DOCK7: variants seen among roughly 807,000 people sequenced by gnomAD.
The protein encoded by DOCK7 is dedicator of cytokinesis protein 7.
In DOCK7, 138 loss-of-function variants were observed where a neutral mutation model predicts 271.0. The observed-to-expected ratio is 0.51, with a 90% confidence interval of 0.44 to 0.59. DOCK7 has a LOEUF of 0.59. Ranked by LOEUF, DOCK7 falls within the 20% of genes least tolerant of loss-of-function variation. The pLI is 0.00. For synonymous variants in DOCK7, 823 were observed against 876.1 expected (o/e 0.94, Z 1.07); for missense variants, 2,066 against 2,592.4 (o/e 0.80, Z 4.41).
chr1:62,544,981 C>A lies in DOCK7; in HGVS notation c.2825G>T (p.Gly942Val). The stretch of plus-strand genomic sequence containing the variant: ...TTCTGCACTTGGACTGGGGTTGGAT[C>A]CCCATGGGGCAGCTTTTGGACCACC... ...NTGGPKAAPWGSNPSPSAEST... is the reference protein window; with the variant it reads ...NTGGPKAAPWVSNPSPSAEST... Residue 942 changes from glycine to valine, a missense_variant, in exon 23 of 50, where the codon GGA (glycine) becomes GTA (valine). Physicochemically the swap from Gly to Val is moderately radical, Grantham distance 109. Coordinates refer to ENST00000635253, the MANE Select transcript of DOCK7 (RefSeq NM_001367561.1). 1 of 1,549,810 alleles carries A rather than the reference C, an allele frequency of 6.5e-7. No homozygotes were observed. Among genetic ancestry groups the A allele is most frequent in the Non-Finnish European group, 8.7e-7 (1 of 1,146,486 alleles).
intron 14 of DOCK7, among the ~76,000 whole-genome samples, chr1:62,596,910 G>A (rs1649340375): frequency 6.6e-6 from 1 of 151,988 alleles, no homozygotes; most frequent in Non-Finnish European, 1.5e-5. Context: ...CTATATATGG[G>A]ATTTTGTGAC....
At chr1:62,585,551 G>C (rs1351840669) in intron 15 of DOCK7, among the ~76,000 whole-genome samples, 1 of 152,102 alleles carries the variant, frequency 6.6e-6, no homozygotes, top group Non-Finnish European at 1.5e-5. Flanking sequence ...AGAATCTCTA[G>C]TCTGGTCTCA....
At chr1:62,553,312 T>TTATACATATATA (rs1553168302) in intron 21 of DOCK7, among the ~76,000 whole-genome samples, 7 of 20,582 alleles carry the variant, frequency 3.4e-4, no homozygotes, top group African/African-American at 1.4e-3. Flanking sequence ...AAAAAGTATT[T>TTATACATATATA]TATATATATA....
chr1:62,659,342 T>C (rs1256139598), intron 2 of DOCK7, among the ~76,000 whole-genome samples: 1 of 152,118 alleles, frequency 6.6e-6, no homozygotes, highest in Non-Finnish European at 1.5e-5. Flanking sequence ...ACACCAATAC[T>C]GTGATAAGTC....
At chr1:62,668,265 A>G (rs971697972) in intron 1 of DOCK7, among the ~76,000 whole-genome samples, 1 of 152,192 alleles carries the variant, frequency 6.6e-6, no homozygotes, top group African/African-American at 2.4e-5. Flanking sequence ...TTACGGGTCA[A>G]TGTGGTGGAT....
chr1:62,685,089 A>G (rs1366408031), intron 1 of DOCK7, among the ~76,000 whole-genome samples: 2 of 152,254 alleles, frequency 1.3e-5, no homozygotes, highest in East Asian at 3.8e-4. Context: ...ACCACATTAT[A>G]AATACTGTAG....
chr1:62,461,444 G>A (rs1571174464), intron 48 of DOCK7, among the ~76,000 whole-genome samples: 1 of 152,128 alleles, frequency 6.6e-6, no homozygotes, highest in Non-Finnish European at 1.5e-5. Context: ...ACTTTGGCAG[G>A]CTGAGACCAG....
At chr1:62,610,397 T>C (rs116380404) in intron 14 of DOCK7, among the ~76,000 whole-genome samples, 176 of 152,248 alleles carry the variant, frequency 1.2e-3, no homozygotes, top group African/African-American at 3.9e-3. Flanking sequence ...ATTATGAATG[T>C]AGTAAACCAA....
At chr1:62,652,935 A>G (rs1571909619) in intron 4 of DOCK7, among the ~76,000 whole-genome samples, 1 of 152,146 alleles carries the variant, frequency 6.6e-6, no homozygotes, top group South Asian at 2.1e-4. Context: ...ATTTAGCACA[A>G]TGTAAAGCCT....
In DOCK7 at chr1:62,473,965, C is replaced by T; in HGVS notation, c.6212+17G>A. On this transcript the variant is annotated intron_variant, in intron 48 of 49. Transcript: ENST00000635253. ...CAGTCTCAATTTGAAGATCTTTACG[C>T]AGAAAGCCTTGAATACCTTTTAGTA... 6.3e-7 allele frequency: 1 copy of T among 1,598,736 alleles called. No individual in the cohort carries two copies. The highest frequency in any genetic ancestry group is 8.6e-7 in the Non-Finnish European group (1 of 1,167,012).
chr1:62,473,924 A>G (rs1476205523), intron 48 of DOCK7, 58 bp downstream of exon 48: 3 of 1,420,598 alleles, frequency 2.1e-6, no homozygotes, highest in Admixed American at 3.5e-5. Flanking sequence ...CCCTTATGTC[A>G]TACTGTGGTA....
At position 62,648,324 on chromosome 1, in the gene DOCK7, A is replaced by G; in HGVS notation, c.520-6T>C. On this transcript the variant is annotated splice_polypyrimidine_tract_variant and splice_region_variant and intron_variant, in intron 5 of 49. Coordinates refer to ENST00000635253, the MANE Select transcript of DOCK7 (RefSeq NM_001367561.1). Reference sequence around the variant, plus strand: ...GAACGTCTTTTAAGGTCATCCTGTCATGCAAAACATTAAATATAAATATAT... The same window carrying G: ...GAACGTCTTTTAAGGTCATCCTGTCGTGCAAAACATTAAATATAAATATAT... 1.3e-6 allele frequency: 2 copies of G among 1,565,326 alleles called. No homozygotes were observed. The highest frequency in any genetic ancestry group is 1.7e-6 in the Non-Finnish European group (2 of 1,154,928).
intron 31 of DOCK7, 113 bp from the exon 32 acceptor site, chr1:62,514,011 T>A: frequency 1.1e-6 from 1 of 939,370 alleles, no homozygotes; most frequent in East Asian, 2.6e-5. Context: ...TTAAAAATAA[T>A]ATAATTAAAA....
chr1:62,512,404 C>G (rs1471864933), intron 33 of DOCK7, among the ~76,000 whole-genome samples: 1 of 152,076 alleles, frequency 6.6e-6, no homozygotes, highest in Non-Finnish European at 1.5e-5. Flanking sequence ...ACACTATCTT[C>G]TAAATTCTGA....
intron 12 of DOCK7, among the ~76,000 whole-genome samples, chr1:62,622,012 G>C (rs991937198): frequency 6.6e-6 from 1 of 152,118 alleles, no homozygotes; most frequent in Admixed American, 6.6e-5. Flanking sequence ...TCCCTCCCTA[G>C]GCCTGGCCAC....
At position 62,562,714 on chromosome 1, in the gene DOCK7, C is replaced by T. The variant is rs186613828; in HGVS notation, c.2113-1011G>A. ...GCTAGAGATCTCAGGATGCAAGAAA[C>T]GACAAAGCAGCATTTCCTGGGTTTT... On this transcript the variant is annotated intron_variant, in intron 18 of 49. Transcript: ENST00000635253. Among the ~76,000 whole-genome samples the T allele has an allele frequency of 3.0e-3, 453 of 152,118 alleles. 4 individuals carry two copies. The highest frequency in any genetic ancestry group is 0.022 in the South Asian group (107 of 4,818).
chr1:62,462,117 G>T (rs1030113296), intron 48 of DOCK7, among the ~76,000 whole-genome samples: 1 of 150,464 alleles, frequency 6.6e-6, no homozygotes, highest in Non-Finnish European at 1.5e-5. Context: ...ATATACTAAA[G>T]AATAAATTTT....
chr1:62,573,642 A>G (rs1287526397), intron 18 of DOCK7, among the ~76,000 whole-genome samples: 1 of 152,234 alleles, frequency 6.6e-6, no homozygotes, highest in Non-Finnish European at 1.5e-5. Context: ...TGGCATACAA[A>G]TACTTCATTT....
chr1:62,639,408 T>C (rs1319930674), intron 7 of DOCK7, among the ~76,000 whole-genome samples: 1 of 147,326 alleles, frequency 6.8e-6, no homozygotes, highest in African/African-American at 2.5e-5. Context: ...TGTAACTTAG[T>C]GCAAACTTTG....
Sources: gnomAD v4.1 joint callset for allele counts (sites outside exome capture counted in the v4.1 genomes callset) on GRCh38, gnomAD v4.1.1 for gene constraint, MANE v1.5 for transcripts, NCBI Gene and HGNC (gene_info 2026-07-23, HGNC 2026-07-21) for gene names.